ESPN: variants seen among roughly 807,000 people sequenced by gnomAD.
ESPN encodes autosomal recessive deafness type 36 protein.
A neutral mutation model predicts 77.7 loss-of-function variants in ESPN; 68 were observed. The ratio of observed to expected loss-of-function variants is 0.87; its 90% CI spans 0.72 to 1.07. The LOEUF (loss-of-function observed/expected upper bound fraction) is 1.07. Ranked by LOEUF, ESPN falls within the 50% of genes least tolerant of loss-of-function variation. The pLI is 0.00. For missense variants in ESPN, 1,060 were observed against 1,239.0 expected (o/e 0.86, Z 2.17); for synonymous variants, 449 against 567.1 (o/e 0.79, Z 2.96).
In ESPN at chr1:6,451,919, C is replaced by T. The variant is rs1192375640; in HGVS notation, c.2148C>T (p.Leu716=). 7 of 1,610,856 alleles carry T rather than the reference C, an allele frequency of 4.3e-6. No individual in the cohort carries two copies. The highest frequency in any genetic ancestry group is 1.7e-6 in the Non-Finnish European group (2 of 1,178,890). ...CAGCTGCGGGGTTTCAGCCGCTGCT[C>T]AATGGAAGCTTGGTTCCCGTGCCGC... ...TPPAAGFQPL[L]NGSLVPVPPT... is the part of the protein sequence containing the mutation. Residue 716 remains leucine (L), a synonymous_variant, in exon 10 of 13, where the codon CTC becomes CTT. Coordinates refer to ENST00000645284, the MANE Select transcript of ESPN (RefSeq NM_031475.3). The surrounding 1 kb of genome is among the most constrained non-coding windows in gnomAD (Gnocchi z 4.3).
rs1643063762 is a variant in ESPN at position 6,427,056 on chromosome 1, C to T, written c.295-1170C>T. Among the ~76,000 whole-genome samples the T allele has an allele frequency of 6.6e-6, 1 of 152,060 alleles. No individual in the cohort carries two copies. The highest frequency in any genetic ancestry group is 2.4e-5 in the African/African-American group (1 of 41,376). ...TTTTCCTTGCATTTCTCACGGGAGC[C>T]TCAGAGGTTCTCTTCCCACCGTGAT... On this transcript the variant is annotated intron_variant, in intron 1 of 12. Coordinates refer to ENST00000645284, the MANE Select transcript of ESPN (RefSeq NM_031475.3). This position sits in a 1 kb window ranked among gnomAD's most constrained non-coding sequence, Gnocchi z 4.6.
chr1:6,441,559 G>A (rs1020747291), intron 5 of ESPN, among the ~76,000 whole-genome samples: 90 of 152,318 alleles, frequency 5.9e-4, no homozygotes, highest in Middle Eastern at 3.4e-3. Flanking sequence ...TCATGGCTGG[G>A]TCATAACTGG....
chr1:6,444,437 C>T, intron 5 of ESPN, 44 bp from the exon 6 acceptor site: 3 of 1,602,712 alleles, frequency 1.9e-6, no homozygotes, highest in Non-Finnish European at 2.6e-6. Context: ...AGCAACGCAT[C>T]TTGGGGTATG....
At position 6,428,274 on chromosome 1, in the gene ESPN, G is replaced by C. The variant is rs765867875; in HGVS notation, c.343G>C (p.Gly115Arg). The change falls in exon 2 of 13, where the codon GGC becomes CGC. Residue 115 changes from glycine (G) to arginine (R), a missense_variant. Gly to Arg is a moderately radical substitution (Grantham distance 125). Transcript: ENST00000645284. The surrounding 1 kb of genome is among the most constrained non-coding windows in gnomAD (Gnocchi z 5.4). The stretch of plus-strand genomic sequence containing the variant: ...AGTCTTGCATCTGGCTGCCCGCTTC[G>C]GCCACCCCGAGGTGGTGAACTGGCT... ...ATVLHLAARFGHPEVVNWLLH... is the reference protein window; with the variant it reads ...ATVLHLAARFRHPEVVNWLLH... 6 of 1,613,328 alleles carry C rather than the reference G, an allele frequency of 3.7e-6. No individual in the cohort carries two copies. The highest frequency in any genetic ancestry group is 2.7e-5 in the African/African-American group (2 of 74,918).
At position 6,460,497 on chromosome 1, in the gene ESPN, GC is replaced by G. The variant is rs949565991; in HGVS notation, c.*356del. 5 of 206,730 alleles carry G rather than the reference GC, an allele frequency of 2.4e-5. No homozygotes were observed. The highest frequency in any genetic ancestry group is 5.5e-5 in the Admixed American group (1 of 18,286). 12.8% of individuals were successfully genotyped at this position (206,730 alleles called of 1,614,324 possible). ...TGACTTTGTTTTCCTGCGGGGCTCA[GC>G]CCCCTCCAGGATGCAGCCCCCTCCC... is the stretch of plus-strand genomic sequence containing the variant. On this transcript the variant is annotated 3_prime_UTR_variant, in exon 13 of 13. Transcript: ENST00000645284.
intron 5 of ESPN, among the ~76,000 whole-genome samples, chr1:6,444,125 G>C (rs11121875): frequency 0.27 from 41,101 of 152,128 alleles, 6,978 homozygotes; most frequent in African/African-American, 0.48. Flanking sequence ...TGTGCTGTGC[G>C]CCTCCCCATG....
At chr1:6,432,931 GC>G (rs1365985389) in intron 2 of ESPN, among the ~76,000 whole-genome samples, 5 of 151,912 alleles carry the variant, frequency 3.3e-5, no homozygotes, top group Non-Finnish European at 7.4e-5. Flanking sequence ...GACCAGCCTG[GC>G]CAACATGAAG....
At position 6,447,167 on chromosome 1, in the gene ESPN, G is replaced by GGGCTGTGTGCGCCCCTCCC. The variant is rs1231659209; in HGVS notation, c.1464+1252_1464+1270dup. ...CCCTCCCGGCTGTGTGCGTCCCTCC[G>GGGCTGTGTGCGCCCCTCCC]GGCTGTGTGCGCCCCTCCCGGCTGT... On this transcript the variant is annotated intron_variant, in intron 7 of 12. Transcript: ENST00000645284. This position sits in a 1 kb window ranked among gnomAD's most constrained non-coding sequence, Gnocchi z 5.2. Among the ~76,000 whole-genome samples, 4 of 150,666 alleles carry GGGCTGTGTGCGCCCCTCCC rather than the reference G, an allele frequency of 2.7e-5. No homozygotes were observed. The highest frequency in any genetic ancestry group is 5.9e-5 in the Non-Finnish European group (4 of 67,530).
At position 6,444,629 on chromosome 1, in the gene ESPN, A is replaced by G. The variant is rs759565370; in HGVS notation, c.1139A>G (p.Tyr380Cys). ...TCGCCTACCAGCACCCTCTCCAACT[A>G]CGACTCCTGCTCCTCCAGCCACTCC... Reference protein sequence around the residue: ...LSSPTSTLSNYDSCSSSHSSI... With the variant: ...LSSPTSTLSNCDSCSSSHSSI... Residue 380 changes from tyrosine to cysteine, a missense_variant, in exon 6 of 13, where the codon TAC (tyrosine) becomes TGC (cysteine). Tyr to Cys is a radical substitution (Grantham distance 194). Coordinates refer to ENST00000645284, the MANE Select transcript of ESPN (RefSeq NM_031475.3). 1 of 1,613,936 alleles carries G rather than the reference A, an allele frequency of 6.2e-7. No homozygotes were observed. The highest frequency in any genetic ancestry group is 1.1e-5 in the South Asian group (1 of 91,058).
rs1348413120 is a variant in ESPN, at chr1:6,444,334, C to A, written c.991-147C>A. 6 of 793,038 alleles carry A rather than the reference C, an allele frequency of 7.6e-6. No homozygotes were observed. In the East Asian group the frequency reaches 1.3e-4, roughly 18 times the overall value. 49.1% of individuals were successfully genotyped at this position (793,038 alleles called of 1,614,324 possible). A position where few individuals can be genotyped will look rare whatever the true frequency, so the allele number is the denominator to read the frequency against. Reference sequence around the variant, plus strand: ...TCTTAACCTGGAGGAACCTGAGAGACCGTCTAGTGATGGGGAAGAGACCCC... The same window carrying A: ...TCTTAACCTGGAGGAACCTGAGAGAACGTCTAGTGATGGGGAAGAGACCCC... On this transcript the variant is annotated intron_variant, in intron 5 of 12. Transcript: ENST00000645284.
intron 12 of ESPN, among the ~76,000 whole-genome samples, chr1:6,458,406 C>T (rs1388256041): frequency 1.3e-5 from 2 of 151,976 alleles, no homozygotes; most frequent in Non-Finnish European, 2.9e-5. Context: ...ACCTCTACCT[C>T]CTGGGTTCAA....
At chr1:6,431,520 A>T (rs1315379690) in intron 2 of ESPN, among the ~76,000 whole-genome samples, 2 of 151,470 alleles carry the variant, frequency 1.3e-5, no homozygotes, top group African/African-American at 4.9e-5. Flanking sequence ...AATCCCAGCT[A>T]CTTGGGAGGC....
At chr1:6,425,947 C>T (rs1358687294) in intron 1 of ESPN, among the ~76,000 whole-genome samples, 2 of 152,226 alleles carry the variant, frequency 1.3e-5, no homozygotes, top group South Asian at 2.1e-4. Context: ...GAGGCATGCA[C>T]GCTCTTGTCC....
chr1:6,444,631 G>A lies in ESPN; in HGVS notation c.1141G>A (p.Asp381Asn), dbSNP rs752565640. The A allele has an allele frequency of 1.9e-5, 31 of 1,614,106 alleles. No homozygotes were observed. Among genetic ancestry groups the A allele is most frequent in the Non-Finnish European group, 2.5e-5 (30 of 1,180,018 alleles). Reference protein sequence around the residue: ...SSPTSTLSNYDSCSSSHSSIK... With the variant: ...SSPTSTLSNYNSCSSSHSSIK... The stretch of plus-strand genomic sequence containing the variant: ...GCCTACCAGCACCCTCTCCAACTAC[G>A]ACTCCTGCTCCTCCAGCCACTCCAG... The change falls in exon 6 of 13, where the codon GAC becomes AAC. Residue 381 changes from aspartate to asparagine, a missense_variant. By Grantham distance (23) the Asp-to-Asn change is conservative. Around this residue, in one of 3 missense-constraint regions of ESPN, gnomAD observed 556 missense variants for 633.6 expected, o/e 0.88. Coordinates refer to ENST00000645284, the MANE Select transcript of ESPN (RefSeq NM_031475.3).
In ESPN at chr1:6,454,449, T is replaced by C. The variant is rs1173933120; in HGVS notation, c.2325+2353T>C. On this transcript the variant is annotated intron_variant, in intron 10 of 12. Transcript: ENST00000645284. ...CCCGCCTTAGCTGACGGCCGCCAGC[T>C]CGTGCTGCTACCCCCGCGAGGGCTG... 9.0e-5 allele frequency: 36 copies of C among 398,710 alleles called. No individual in the cohort carries two copies. In the East Asian group the frequency reaches 1.3e-3, roughly 14 times the overall value. 24.7% of individuals were successfully genotyped at this position (398,710 alleles called of 1,614,324 possible). A position where few individuals can be genotyped will look rare whatever the true frequency, so the allele number is the denominator to read the frequency against.
intron 10 of ESPN, chr1:6,455,706 C>T (rs1423581581): frequency 7.5e-6 from 3 of 399,144 alleles, no homozygotes; most frequent in Non-Finnish European, 1.3e-5. Context: ...GCGCAAGTTC[C>T]GCCACCTACT....
intron 3 of ESPN, 30 bp from the exon 4 acceptor site, chr1:6,440,596 C>CCCCCCCCACAGG: frequency 8.9e-7 from 1 of 1,127,588 alleles, no homozygotes; most frequent in East Asian, 3.0e-5. Context: ...GCCCAGCCCC[C>CCCCCCCCACAGG]GCCCCCCTCT....
At position 6,428,433 on chromosome 1, in the gene ESPN, T is replaced by A; in HGVS notation, c.488+14T>A. 6.3e-7 allele frequency: 1 copy of A among 1,596,100 alleles called. No individual in the cohort carries two copies. Among genetic ancestry groups the A allele is most frequent in the Non-Finnish European group, 8.6e-7 (1 of 1,168,046 alleles). ...GCACTACCCTGAGTAAGATCACCCC[T>A]CTTAAGGGGTCCTCTGGGTGGGCTG... On this transcript the variant is annotated intron_variant, in intron 2 of 12. Coordinates refer to ENST00000645284, the MANE Select transcript of ESPN (RefSeq NM_031475.3). The surrounding 1 kb of genome is among the most constrained non-coding windows in gnomAD (Gnocchi z 5.4).
intron 10 of ESPN, among the ~76,000 whole-genome samples, chr1:6,453,286 T>C (rs1479399421): frequency 2.0e-5 from 3 of 151,580 alleles, no homozygotes; most frequent in Non-Finnish European, 4.4e-5. Context: ...GCTGCGGACA[T>C]GTGTGCGAGT....
Sources: gnomAD v4.1 joint callset for allele counts (sites outside exome capture counted in the v4.1 genomes callset) on GRCh38, gnomAD v4.1.1 for gene constraint, gnomAD v4.1.1 regional missense constraint, Gnocchi (gnomAD v3.1) non-coding constraint, MANE v1.5 for transcripts, NCBI Gene and HGNC (gene_info 2026-07-23, HGNC 2026-07-21) for gene names.